Variants in ASCC3 observed in about 807,000 individuals in gnomAD.
The protein encoded by ASCC3 is ASC-1 complex subunit P200.
In ASCC3, 158 loss-of-function variants were observed where a neutral mutation model predicts 256.3. The observed-to-expected ratio is 0.62, with a 90% CI of 0.54 to 0.70. ASCC3 has a LOEUF of 0.70. Among genes scored for constraint, ASCC3 ranks in the 30% least tolerant of loss-of-function variants. The pLI is 0.00. For missense variants in ASCC3, 2,259 were observed against 2,626.0 expected (o/e 0.86, Z 3.05); for synonymous variants, 948 against 883.4 (o/e 1.07, Z -1.30).
chr6:100,759,720 G>C (rs1168732814), intron 10 of ASCC3, among the ~76,000 whole-genome samples: 1 of 152,140 alleles, frequency 6.6e-6, no homozygotes, highest in Admixed American at 6.5e-5. Context: ...GATAGGAATA[G>C]CATTGAATCT....
chr6:100,850,298 C>T (rs1171985983), intron 3 of ASCC3, among the ~76,000 whole-genome samples: 1 of 152,020 alleles, frequency 6.6e-6, no homozygotes, highest in Admixed American at 6.5e-5. Flanking sequence ...CACGTTCTAC[C>T]CCACTCTATG....
rs1489538996 is a variant in ASCC3, at chr6:100,638,848, A to G, written c.3902-27T>C. ...TGAAAAGACCCAACAGGATGGCTAT[A>G]CGACAATTGAAAAACACGCATAATA... On this transcript the variant is annotated intron_variant, in intron 24 of 41. Transcript: ENST00000369162. The G allele has an allele frequency of 2.5e-6, 4 of 1,577,654 alleles. No homozygotes were observed. The African/African-American group carries it at 5.4e-5, about 21-fold the overall frequency.
chr6:100,607,471 C>T (rs922776850), intron 30 of ASCC3, among the ~76,000 whole-genome samples: 1 of 150,890 alleles, frequency 6.6e-6, no homozygotes, highest in African/African-American at 2.4e-5. Context: ...AAATACAGAC[C>T]AAAAAATAGT....
intron 4 of ASCC3, among the ~76,000 whole-genome samples, chr6:100,822,403 G>A (rs1771089431): frequency 6.6e-6 from 1 of 152,004 alleles, no homozygotes; most frequent in Non-Finnish European, 1.5e-5. Flanking sequence ...CAGCCATGGT[G>A]GCATATGCCT....
chr6:100,732,093 G>A (rs1410643279), intron 10 of ASCC3, among the ~76,000 whole-genome samples: 2 of 151,396 alleles, frequency 1.3e-5, no homozygotes, highest in Non-Finnish European at 2.9e-5. Flanking sequence ...CCCGGGAGGC[G>A]GGGGTTGCAG....
At chr6:100,635,160 AAGAT>A (rs1372776059) in intron 25 of ASCC3, among the ~76,000 whole-genome samples, 6 of 152,060 alleles carry the variant, frequency 3.9e-5, no homozygotes, top group African/African-American at 1.4e-4. Context: ...TAAGTGCCTC[AAGAT>A]AGATAAAGAA....
intron 37 of ASCC3, among the ~76,000 whole-genome samples, chr6:100,526,869 A>T (rs1039672383): frequency 6.6e-6 from 1 of 152,142 alleles, no homozygotes; most frequent in Non-Finnish European, 1.5e-5. Flanking sequence ...ATTAGATTTC[A>T]CCTTCATCTC....
chr6:100,734,514 A>T (rs115766958), intron 10 of ASCC3, among the ~76,000 whole-genome samples: 2,288 of 152,220 alleles, frequency 0.015, 59 homozygotes, highest in African/African-American at 0.052. Flanking sequence ...TCCCTGCTTC[A>T]ATTTTCTCAT....
At chr6:100,715,666 T>TCTG in intron 12 of ASCC3, 133 bp from the exon 13 acceptor site, 1 of 663,808 alleles carries the variant, frequency 1.5e-6, no homozygotes, top group Non-Finnish European at 2.7e-6. Context: ...ATCAAATACC[T>TCTG]CATAAACATA....
chr6:100,518,643 C>T (rs907619360), intron 37 of ASCC3, among the ~76,000 whole-genome samples: 1 of 152,102 alleles, frequency 6.6e-6, no homozygotes, highest in Non-Finnish European at 1.5e-5. Context: ...ATACACCACA[C>T]CACACACTAG....
At chr6:100,721,489 G>A (rs1266393649) in intron 11 of ASCC3, among the ~76,000 whole-genome samples, 1 of 151,682 alleles carries the variant, frequency 6.6e-6, no homozygotes, top group African/African-American at 2.4e-5. Context: ...ATGTGGGCCA[G>A]AGCACATGCC....
At chr6:100,699,067 T>C (rs1007838012) in intron 13 of ASCC3, among the ~76,000 whole-genome samples, 1 of 152,184 alleles carries the variant, frequency 6.6e-6, no homozygotes, top group Non-Finnish European at 1.5e-5. Flanking sequence ...CTATATCATA[T>C]ATAGCCTAGG....
At chr6:100,658,000 C>A (rs1775998044) in intron 16 of ASCC3, among the ~76,000 whole-genome samples, 1 of 151,454 alleles carries the variant, frequency 6.6e-6, no homozygotes, top group Admixed American at 6.6e-5. Flanking sequence ...ATCTCAAAAT[C>A]ATATAGTAAG....
intron 1 of ASCC3, 112 bp from the exon 2 acceptor site, chr6:100,868,150 T>C: frequency 3.0e-6 from 2 of 659,860 alleles, no homozygotes; most frequent in Non-Finnish European, 5.3e-6. Flanking sequence ...TAAAAAGCAA[T>C]TGTTATCAAC....
chr6:100,679,808 A>G (rs1777206636), intron 13 of ASCC3, 56 bp from the exon 14 acceptor site: 28 of 1,559,484 alleles, frequency 1.8e-5, no homozygotes, highest in Non-Finnish European at 2.3e-5. Context: ...TTACAGCTTA[A>G]TAGTAGCCTG....
chr6:100,625,125 T>A (rs1774160583), intron 30 of ASCC3, 67 bp downstream of exon 30: 2 of 1,564,692 alleles, frequency 1.3e-6, no homozygotes, highest in African/African-American at 1.4e-5. Context: ...ATTACATATG[T>A]AATGATCATT....
intron 22 of ASCC3, among the ~76,000 whole-genome samples, chr6:100,644,665 T>C (rs557538279): frequency 2.0e-5 from 3 of 152,172 alleles, no homozygotes; most frequent in Non-Finnish European, 4.4e-5. Flanking sequence ...CTCTCCCTCA[T>C]GTGACTCAAG....
At chr6:100,696,571 A>G (rs938239099) in intron 13 of ASCC3, among the ~76,000 whole-genome samples, 2 of 152,036 alleles carry the variant, frequency 1.3e-5, no homozygotes, top group Non-Finnish European at 2.9e-5. Flanking sequence ...ATTCTCTAGA[A>G]TGAAATAAAT....
chr6:100,853,204 A>G (rs940499709), intron 3 of ASCC3, among the ~76,000 whole-genome samples: 1 of 152,158 alleles, frequency 6.6e-6, no homozygotes, highest in Non-Finnish European at 1.5e-5. Context: ...AAAATCAAAG[A>G]GTTAAATGGT....
Sources: gnomAD v4.1 joint callset for allele counts (sites outside exome capture counted in the v4.1 genomes callset) on GRCh38, gnomAD v4.1.1 for gene constraint, MANE v1.5 for transcripts, NCBI Gene and HGNC (gene_info 2026-07-23, HGNC 2026-07-21) for gene names.